CASD1: variants seen among roughly 807,000 people sequenced by gnomAD.
CASD1 encodes the protein CAS1 domain sialic acid O acetyltransferase 1.
CASD1 carries 41 observed loss-of-function variants against 100.0 expected under a neutral mutation model. The observed-to-expected ratio is 0.41, with a 90% confidence interval of 0.32 to 0.53. The LOEUF is 0.53. CASD1 is among the 20% of genes least tolerant of loss of function. The probability of loss-of-function intolerance (pLI) is 0.25; values close to 1 mark genes in which losing one functional copy is unlikely to be tolerated. For missense variants in CASD1, 774 were observed against 948.7 expected, an observed-to-expected ratio of 0.82 and a Z score of 2.42; for synonymous variants, 321 against 315.6, an observed-to-expected ratio of 1.02 and a Z score of -0.18.
In CASD1 at chr7:94,510,232, CCCTCT is replaced by C. The variant is rs749078533; in HGVS notation, c.133+16_133+20del. 9.0e-5 allele frequency: 132 copies of C among 1,470,628 alleles called. No individual in the cohort carries two copies. In the African/African-American group the frequency reaches 1.8e-3, roughly 21 times the overall value. 91.1% of individuals were successfully genotyped at this position (1,470,628 alleles called of 1,614,324 possible). On this transcript the variant is annotated intron_variant, in intron 1 of 17. Transcript: ENST00000297273. ...CCGCTACCGAGGTGAGCGGGCCCTC[CCCTCT>C]GCCCGGGCAGGCCGTGGGGGAGGCG...
At chr7:94,610,382 AG>A in the CASD1 span, among the ~76,000 whole-genome samples, 1 of 152,194 alleles carries the variant, frequency 6.6e-6, no homozygotes, top group African/African-American at 2.4e-5. Flanking sequence ...TTGTCAGTGT[AG>A]GTTCATCATT....
chr7:94,571,346 C>A, the CASD1 span, among the ~76,000 whole-genome samples: 2 of 152,162 alleles, frequency 1.3e-5, no homozygotes, highest in African/African-American at 4.8e-5. Context: ...TCCAGTCACA[C>A]ACTTCCCACC....
At chr7:94,571,870 C>CAA in the CASD1 span, among the ~76,000 whole-genome samples, 2 of 141,930 alleles carry the variant, frequency 1.4e-5, no homozygotes, top group Non-Finnish European at 1.6e-5. Flanking sequence ...ACTAAAACCT[C>CAA]AAAAAAAAAA....
the CASD1 span, among the ~76,000 whole-genome samples, chr7:94,591,408 C>T: frequency 2.0e-5 from 3 of 152,118 alleles, no homozygotes; most frequent in Non-Finnish European, 4.4e-5. Flanking sequence ...CAAGCACTTC[C>T]TCATTCCTTA....
At chr7:94,560,962 A>G (rs904696475), downstream of CASD1, among the ~76,000 whole-genome samples, 19 of 152,230 alleles carry the variant, frequency 1.2e-4, no homozygotes, top group African/African-American at 4.1e-4. Context: ...AAATTTCAGT[A>G]TGCCCAAAAA....
chr7:94,579,098 C>G, the CASD1 span, among the ~76,000 whole-genome samples: 2 of 151,690 alleles, frequency 1.3e-5, no homozygotes, highest in Non-Finnish European at 2.9e-5. Context: ...CCATAATACA[C>G]TATGTTTTAT....
intron 10 of CASD1, among the ~76,000 whole-genome samples, chr7:94,542,928 TA>T (rs1795485972): frequency 6.6e-6 from 1 of 152,152 alleles, no homozygotes; most frequent in Non-Finnish European, 1.5e-5. Context: ...GGGCAATAAA[TA>T]AAAACTCTTT....
intron 8 of CASD1, among the ~76,000 whole-genome samples, chr7:94,536,245 GA>G (rs1479027969): frequency 6.6e-6 from 1 of 151,432 alleles, no homozygotes; most frequent in Non-Finnish European, 1.5e-5. Context: ...TCCATCTCAA[GA>G]AAAGAAAAAA....
chr7:94,576,394 T>C, the CASD1 span, among the ~76,000 whole-genome samples: 1 of 152,206 alleles, frequency 6.6e-6, no homozygotes, highest in Non-Finnish European at 1.5e-5. Flanking sequence ...TTCTTCCTCA[T>C]ATGAGTTTCT....
chr7:94,576,686 T>G, the CASD1 span, among the ~76,000 whole-genome samples: 3 of 152,224 alleles, frequency 2.0e-5, no homozygotes, highest in African/African-American at 7.2e-5. Flanking sequence ...ACACTTCACA[T>G]GTGTAGTCAC....
the CASD1 span, among the ~76,000 whole-genome samples, chr7:94,569,785 A>G: frequency 6.7e-6 from 1 of 150,106 alleles, no homozygotes; most frequent in Admixed American, 6.6e-5. Flanking sequence ...TGTATCATTA[A>G]AAAAACTCCA....
At chr7:94,608,412 G>T in the CASD1 span, among the ~76,000 whole-genome samples, 1 of 152,148 alleles carries the variant, frequency 6.6e-6, no homozygotes, top group Non-Finnish European at 1.5e-5. Flanking sequence ...ACTGATGAAA[G>T]AAATCAAAGA....
the CASD1 span, among the ~76,000 whole-genome samples, chr7:94,631,034 C>T: frequency 6.6e-6 from 1 of 151,942 alleles, no homozygotes; most frequent in Non-Finnish European, 1.5e-5. Flanking sequence ...CTTCACGTAT[C>T]TACAGATTTA....
At position 94,546,456 on chromosome 7, in the gene CASD1, T is replaced by G. The variant is rs1795687482; in HGVS notation, c.1634-640T>G. Among the ~76,000 whole-genome samples the G allele has an allele frequency of 2.0e-5, 3 of 151,946 alleles. No individual in the cohort carries two copies. The South Asian group carries it at 6.2e-4, about 31-fold the overall frequency. Reference sequence around the variant, plus strand: ...AACCAAATATTATGTGTCAAAAATATTTTTCCATTGGCTTCCAATATAACA... The same window carrying G: ...AACCAAATATTATGTGTCAAAAATAGTTTTCCATTGGCTTCCAATATAACA... On this transcript the variant is annotated intron_variant, in intron 12 of 17. Coordinates refer to ENST00000297273, the MANE Select transcript of CASD1 (RefSeq NM_022900.5).
the CASD1 span, among the ~76,000 whole-genome samples, chr7:94,570,190 T>C: frequency 6.6e-6 from 1 of 152,160 alleles, no homozygotes; most frequent in Admixed American, 6.6e-5. Context: ...TTAATTATTT[T>C]CTGCCTGTCT....
chr7:94,510,303 C>T, intron 1 of CASD1, 86 bp downstream of exon 1: 2 of 1,046,368 alleles, frequency 1.9e-6, no homozygotes, highest in Non-Finnish European at 2.5e-6. Flanking sequence ...GCCCAACACA[C>T]GCCCACGCGG....
At chr7:94,513,287 C>CAAAAAAAA in intron 1 of CASD1, among the ~76,000 whole-genome samples, 1 of 63,876 alleles carries the variant, frequency 1.6e-5, no homozygotes, top group Non-Finnish European at 3.8e-5. Flanking sequence ...GATCGCATCC[C>CAAAAAAAA]AAAAAAAAAA....
At chr7:94,563,108 C>T in the CASD1 span, among the ~76,000 whole-genome samples, 1 of 152,122 alleles carries the variant, frequency 6.6e-6, no homozygotes, top group Non-Finnish European at 1.5e-5. Flanking sequence ...GGGTTCTGCT[C>T]TATGAATCTC....
chr7:94,536,293 A>G (rs1356995948), intron 8 of CASD1, among the ~76,000 whole-genome samples: 1 of 152,204 alleles, frequency 6.6e-6, no homozygotes, highest in Non-Finnish European at 1.5e-5. Context: ...AGCATTATTC[A>G]AGATACAGAG....
Sources: gnomAD v4.1 joint callset for allele counts (sites outside exome capture counted in the v4.1 genomes callset) on GRCh38, gnomAD v4.1.1 for gene constraint, MANE v1.5 for transcripts, NCBI Gene and HGNC (gene_info 2026-07-23, HGNC 2026-07-21) for gene names.